Variants in ARFGEF2 observed in about 807,000 individuals in gnomAD.
ARFGEF2 encodes the protein ARF guanine nucleotide exchange factor 2.
A neutral mutation model predicts 219.9 loss-of-function variants in ARFGEF2; 74 were observed. The observed-to-expected ratio is 0.34, with a 90% CI of 0.28 to 0.41. ARFGEF2 has a LOEUF of 0.41. Ranked by LOEUF, ARFGEF2 falls within the 10% of genes least tolerant of loss-of-function variation. The probability of loss-of-function intolerance (pLI) is 1.00; values close to 1 mark genes in which losing one functional copy is unlikely to be tolerated. For missense variants in ARFGEF2, 1,743 were observed against 2,218.3 expected (o/e 0.79, Z 4.30); for synonymous variants, 733 against 799.2 (o/e 0.92, Z 1.40).
At chr20:49,030,224 A>G (rs948333991) in intron 37 of ARFGEF2, among the ~76,000 whole-genome samples, 1 of 152,126 alleles carries the variant, frequency 6.6e-6, no homozygotes, top group African/African-American at 2.4e-5. Flanking sequence ...AATTTTTAAG[A>G]AATAATTTTA....
intron 3 of ARFGEF2, among the ~76,000 whole-genome samples, chr20:48,944,351 T>C (rs2091012533): frequency 6.6e-6 from 1 of 152,206 alleles, no homozygotes; most frequent in Non-Finnish European, 1.5e-5. Context: ...TGCATTGAGC[T>C]CTTAGCCTGT....
In ARFGEF2 at chr20:48,951,470, G is replaced by A. The variant is rs764158058; in HGVS notation, c.423+1G>A. On this transcript the variant is annotated splice_donor_variant, in intron 4 of 38. Transcript: ENST00000371917. LOFTEE classifies it high-confidence loss of function. ...AGGGGTTCAGTTACAAATAATTAAG[G>A]TATGCCTATTTGTTTGCCTGTCTGG... The A allele has an allele frequency of 1.2e-6, 2 of 1,614,116 alleles. No homozygotes were observed. The highest frequency in any genetic ancestry group is 1.3e-5 in the African/African-American group (1 of 75,026).
At chr20:48,966,549 T>C (rs780081430) in intron 8 of ARFGEF2, among the ~76,000 whole-genome samples, 1 of 152,212 alleles carries the variant, frequency 6.6e-6, no homozygotes, top group Admixed American at 6.5e-5. Flanking sequence ...CCCATAGATA[T>C]GTCTGCCACA....
At chr20:48,984,133 C>T (rs554614415) in intron 14 of ARFGEF2, among the ~76,000 whole-genome samples, 1 of 151,940 alleles carries the variant, frequency 6.6e-6, no homozygotes, top group Non-Finnish European at 1.5e-5. Flanking sequence ...CAAAAGTGGA[C>T]AGTCTAAGGC....
chr20:49,017,179 A>G, intron 31 of ARFGEF2, 70 bp from the exon 32 acceptor site: 1 of 1,506,882 alleles, frequency 6.6e-7, no homozygotes, highest in Non-Finnish European at 9.1e-7. Context: ...CACAATATAC[A>G]GTATTTGAGA....
In ARFGEF2 at chr20:48,963,356, A is replaced by G. The variant is rs144344856; in HGVS notation, c.839-474A>G. 3.6e-3 allele frequency among the ~76,000 whole-genome samples: 550 copies of G among 152,310 alleles called. 4 individuals are homozygous for G. Among genetic ancestry groups the G allele is most frequent in the Middle Eastern group, 0.014 (4 of 294 alleles). ...ATAAAAGTTTAGTAAATCCTTAACT[A>G]TCACATTGGAAATCTCATGCCAGAT... On this transcript the variant is annotated intron_variant, in intron 6 of 38. Coordinates refer to ENST00000371917, the MANE Select transcript of ARFGEF2 (RefSeq NM_006420.3).
chr20:49,007,341 G>A (rs1270346877), intron 26 of ARFGEF2, among the ~76,000 whole-genome samples: 2 of 148,658 alleles, frequency 1.3e-5, no homozygotes, highest in Admixed American at 6.7e-5. Context: ...CGAGGCTGGA[G>A]TGTAATGGTA....
chr20:49,027,873 A>G (rs2091612606), intron 36 of ARFGEF2, among the ~76,000 whole-genome samples: 1 of 152,188 alleles, frequency 6.6e-6, no homozygotes, highest in South Asian at 2.1e-4. Flanking sequence ...CATGTCTGTA[A>G]TCCCATTCCT....
chr20:48,942,631 C>T (rs1272758993), intron 3 of ARFGEF2, among the ~76,000 whole-genome samples: 1 of 151,782 alleles, frequency 6.6e-6, no homozygotes, highest in Non-Finnish European at 1.5e-5. Flanking sequence ...ATTACATGCA[C>T]CCGCCACCAA....
intron 26 of ARFGEF2, among the ~76,000 whole-genome samples, chr20:49,009,465 AT>A (rs1212874156): frequency 6.6e-6 from 1 of 152,022 alleles, no homozygotes; most frequent in Non-Finnish European, 1.5e-5. Flanking sequence ...AAAAAAAAAA[AT>A]TGAAAGTCAA....
chr20:48,995,982 C>G, intron 23 of ARFGEF2, 100 bp downstream of exon 23: 1 of 1,095,052 alleles, frequency 9.1e-7, no homozygotes, highest in Non-Finnish European at 1.4e-6. Context: ...TTAACTGATA[C>G]AAGTGTTGTT....
At chr20:49,030,997 T>TA (rs1023790753) in intron 37 of ARFGEF2, among the ~76,000 whole-genome samples, 7 of 151,238 alleles carry the variant, frequency 4.6e-5, no homozygotes, top group Non-Finnish European at 8.9e-5. Context: ...CGTCTCAAAA[T>TA]AAAAAAAAGA....
chr20:49,011,443 A>G (rs756445475), intron 27 of ARFGEF2, among the ~76,000 whole-genome samples: 4 of 152,220 alleles, frequency 2.6e-5, no homozygotes, highest in African/African-American at 4.8e-5. Flanking sequence ...GGCACAGAAA[A>G]ATAAATACAA....
chr20:48,977,151 C>G (rs938988173), intron 14 of ARFGEF2, among the ~76,000 whole-genome samples: 1 of 151,684 alleles, frequency 6.6e-6, no homozygotes, highest in Non-Finnish European at 1.5e-5. Flanking sequence ...TAGCAGGCCC[C>G]CCTGTGTGTG....
At chr20:48,928,483 C>T (rs1318813708) in intron 1 of ARFGEF2, among the ~76,000 whole-genome samples, 5 of 143,462 alleles carry the variant, frequency 3.5e-5, no homozygotes, top group Non-Finnish European at 7.6e-5. Flanking sequence ...CAGGCGTGAG[C>T]CACCGCGCCC....
chr20:48,970,903 G>C (rs1001000055), intron 9 of ARFGEF2, among the ~76,000 whole-genome samples: 2 of 152,172 alleles, frequency 1.3e-5, no homozygotes, highest in Non-Finnish European at 2.9e-5. Flanking sequence ...CTTTGTGATG[G>C]AAAGAGACAA....
intron 27 of ARFGEF2, among the ~76,000 whole-genome samples, chr20:49,010,705 A>T (rs2123517456): frequency 6.6e-6 from 1 of 152,256 alleles, no homozygotes; most frequent in South Asian, 2.1e-4. Context: ...TCCCAAGGCC[A>T]CTCTAATGAC....
At chr20:48,942,661 T>C (rs2091001134) in intron 3 of ARFGEF2, among the ~76,000 whole-genome samples, 2 of 152,098 alleles carry the variant, frequency 1.3e-5, no homozygotes, top group South Asian at 4.2e-4. Context: ...ATTTTTTGTA[T>C]TTTTAGTACA....
At chr20:49,030,155 A>C (rs569156637) in intron 37 of ARFGEF2, among the ~76,000 whole-genome samples, 114 of 151,114 alleles carry the variant, frequency 7.5e-4, no homozygotes, top group African/African-American at 2.6e-3. Context: ...TGATCCCCCC[A>C]CCTCGGCCTC....
Sources: allele counts gnomAD v4.1 joint callset (sites outside exome capture counted in the v4.1 genomes callset), GRCh38; gene constraint gnomAD v4.1.1; transcripts MANE v1.5; gene names NCBI Gene and HGNC (gene_info 2026-07-23, HGNC 2026-07-21).